Variants in LTBP2 observed in about 807,000 individuals in gnomAD.
The protein encoded by LTBP2 is latent transforming growth factor beta binding protein 2, also known as latent-transforming growth factor beta-binding protein 2.
A neutral mutation model predicts 210.6 loss-of-function variants in LTBP2; 103 were observed. The observed-to-expected ratio is 0.49, with a 90% confidence interval of 0.42 to 0.58. The LOEUF is 0.58. Ranked by LOEUF, LTBP2 falls within the 20% of genes least tolerant of loss-of-function variation. LTBP2 has a pLI of 0.00. For missense variants in LTBP2, 2,313 were observed against 2,494.5 expected (o/e 0.93, Z 1.55); for synonymous variants, 1,007 against 1,015.0 (o/e 0.99, Z 0.15).
chr14:74,508,149 G>T, intron 24 of LTBP2, 54 bp from the exon 25 acceptor site: 2 of 1,608,256 alleles, frequency 1.2e-6, no homozygotes, highest in South Asian at 1.1e-5. Flanking sequence ...TCCCTGTTAG[G>T]GTCCTGTGTA....
At chr14:74,556,819 G>C (rs529436876) in intron 3 of LTBP2, among the ~76,000 whole-genome samples, 1 of 152,254 alleles carries the variant, frequency 6.6e-6, no homozygotes, top group South Asian at 2.1e-4. Flanking sequence ...CACCTGGACT[G>C]TTTTTAAGTT....
At chr14:74,578,779 C>T (rs2088096653) in intron 3 of LTBP2, among the ~76,000 whole-genome samples, 1 of 152,216 alleles carries the variant, frequency 6.6e-6, no homozygotes, top group Non-Finnish European at 1.5e-5. Context: ...GAAGGGGACA[C>T]AATTTACAAG....
In LTBP2 at chr14:74,500,673, C is replaced by T. The variant is rs1192731284; in HGVS notation, c.*211G>A. ...TCATGCGGTGGCTGAAGCATTAAAG[C>T]GATTGGTGGTGCTTGAGCCAAGCAA... is the stretch of plus-strand genomic sequence containing the variant. On this transcript the variant is annotated 3_prime_UTR_variant, in exon 36 of 36. Transcript: ENST00000261978. 14 of 642,484 alleles carry T rather than the reference C, an allele frequency of 2.2e-5. No homozygotes were observed. The highest frequency in any genetic ancestry group is 4.2e-4 in the Middle Eastern group (1 of 2,404). The allele number at this position is 642,484 out of a possible 1,614,324, so 39.8% of individuals were successfully genotyped here.
intron 3 of LTBP2, among the ~76,000 whole-genome samples, chr14:74,564,721 T>C (rs535383177): frequency 2.6e-5 from 4 of 152,166 alleles, no homozygotes; most frequent in Non-Finnish European, 5.9e-5. Context: ...CTTTGTGCCA[T>C]GTTCTGTGCC....
intron 17 of LTBP2, among the ~76,000 whole-genome samples, chr14:74,521,612 C>A (rs1308909518): frequency 3.9e-5 from 6 of 152,212 alleles, no homozygotes; most frequent in African/African-American, 1.2e-4. Flanking sequence ...TGGGGGCCTG[C>A]TGCATAATCC....
chr14:74,572,918 A>T (rs2088004589), intron 3 of LTBP2, among the ~76,000 whole-genome samples: 1 of 152,192 alleles, frequency 6.6e-6, no homozygotes, highest in African/African-American at 2.4e-5. Flanking sequence ...TCTTCCTTTC[A>T]AACAAAAATC....
chr14:74,532,926 G>A lies in LTBP2; in HGVS notation c.1865-378C>T, dbSNP rs535171349. ...GTGATCTCAGCTCACTGCAGTCTCC[G>A]CCTCCCAGGTTCAAGCAATTCTCAT... On this transcript the variant is annotated intron_variant, in intron 9 of 35. Coordinates refer to ENST00000261978, the MANE Select transcript of LTBP2 (RefSeq NM_000428.3). Among the ~76,000 whole-genome samples, 711 of 152,268 alleles carry A rather than the reference G, an allele frequency of 4.7e-3. 2 individuals carry two copies. Among genetic ancestry groups the A allele is most frequent in the Middle Eastern group, 0.017 (5 of 294 alleles).
At chr14:74,603,762 A>C in intron 1 of LTBP2, 57 bp from the exon 2 acceptor site, 1 of 1,435,854 alleles carries the variant, frequency 7.0e-7, no homozygotes. Context: ...GGGACTATTC[A>C]CAGCCCCTCC....
At chr14:74,565,166 C>T (rs2087886075) in intron 3 of LTBP2, among the ~76,000 whole-genome samples, 1 of 152,108 alleles carries the variant, frequency 6.6e-6, no homozygotes, top group African/African-American at 2.4e-5. Flanking sequence ...ATGCACTGAC[C>T]CCAGGGATGG....
At chr14:74,573,947 G>A (rs764672543) in intron 3 of LTBP2, among the ~76,000 whole-genome samples, 7 of 152,112 alleles carry the variant, frequency 4.6e-5, no homozygotes, top group Admixed American at 1.3e-4. Flanking sequence ...GGGAGTAACC[G>A]AGTCAAGTGG....
intron 9 of LTBP2, 26 bp downstream of exon 9, chr14:74,535,900 C>T (rs370379817): frequency 6.2e-7 from 1 of 1,608,550 alleles, no homozygotes; most frequent in Non-Finnish European, 8.5e-7. Flanking sequence ...CATCCTTGAG[C>T]CCAGCCCTGG....
At chr14:74,555,236 G>A (rs540291448) in intron 4 of LTBP2, among the ~76,000 whole-genome samples, 18 of 152,042 alleles carry the variant, frequency 1.2e-4, no homozygotes, top group African/African-American at 3.9e-4. Flanking sequence ...TATGAGGGAA[G>A]CAAAGGCAGG....
chr14:74,604,250 A>G (rs1381136643), intron 1 of LTBP2, among the ~76,000 whole-genome samples: 1 of 151,872 alleles, frequency 6.6e-6, no homozygotes, highest in Non-Finnish European at 1.5e-5. Context: ...GGAGGCTGGA[A>G]GACACACATA....
chr14:74,553,922 A>ACGTGTG (rs2087694138), intron 4 of LTBP2, among the ~76,000 whole-genome samples: 1 of 75,590 alleles, frequency 1.3e-5, no homozygotes, highest in South Asian at 5.6e-4. Context: ...AAGCGGAGAA[A>ACGTGTG]CGTGTGTGTG....
intron 10 of LTBP2, among the ~76,000 whole-genome samples, chr14:74,530,976 TA>T (rs2087342774): frequency 6.6e-6 from 1 of 152,174 alleles, no homozygotes. Flanking sequence ...CCGCCACAGG[TA>T]AATCATCAGC....
chr14:74,508,261 G>T (rs1056961694), intron 24 of LTBP2, among the ~76,000 whole-genome samples, 166 bp from the exon 25 acceptor site: 1 of 151,442 alleles, frequency 6.6e-6, no homozygotes, highest in African/African-American at 2.5e-5. Flanking sequence ...GGGCACCGGG[G>T]TGGGGGTGAG....
chr14:74,593,083 A>G (rs1336783568), intron 2 of LTBP2, among the ~76,000 whole-genome samples: 1 of 152,228 alleles, frequency 6.6e-6, no homozygotes, highest in East Asian at 1.9e-4. Flanking sequence ...AAAAGCAAGA[A>G]ATAAAAGGCA....
intron 2 of LTBP2, among the ~76,000 whole-genome samples, chr14:74,601,718 G>A (rs879615536): frequency 5.3e-5 from 8 of 152,218 alleles, no homozygotes; most frequent in Non-Finnish European, 1.0e-4. Context: ...CAATCGCATC[G>A]CATCCCATCA....
chr14:74,580,213 G>C (rs574952366), intron 3 of LTBP2, among the ~76,000 whole-genome samples: 1 of 152,322 alleles, frequency 6.6e-6, no homozygotes, highest in Non-Finnish European at 1.5e-5. Context: ...GGGAGAAGAA[G>C]CCACGGGAGT....
Sources: allele counts gnomAD v4.1 joint callset (sites outside exome capture counted in the v4.1 genomes callset), GRCh38; gene constraint gnomAD v4.1.1; transcripts MANE v1.5; gene names NCBI Gene and HGNC (gene_info 2026-07-23, HGNC 2026-07-21).